MAML3: variants seen among roughly 807,000 people sequenced by gnomAD.
MAML3 encodes mastermind like transcriptional coactivator 3.
Under a neutral mutation model 101.9 loss-of-function variants are expected in MAML3, and 27 were observed. That is an observed-to-expected ratio of 0.27 (90% CI 0.20 to 0.37). MAML3 has a LOEUF of 0.37. Ranked by LOEUF, MAML3 falls within the 10% of genes least tolerant of loss-of-function variation. The pLI, the probability that MAML3 is intolerant of heterozygous loss-of-function variation, is 1.00. For missense variants in MAML3, 1,316 were observed against 1,444.9 expected (o/e 0.91, Z 1.45); for synonymous variants, 501 against 555.9 (o/e 0.90, Z 1.39).
intron 2 of MAML3, among the ~76,000 whole-genome samples, chr4:139,825,328 T>C (rs1274132573): frequency 2.0e-5 from 3 of 152,156 alleles, no homozygotes; most frequent in African/African-American, 4.8e-5. Context: ...TGGCTGAACA[T>C]TTGCATGTTA....
intron 1 of MAML3, among the ~76,000 whole-genome samples, chr4:140,082,164 C>T (rs936894912): frequency 3.9e-5 from 6 of 152,156 alleles, no homozygotes; most frequent in African/African-American, 9.7e-5. Context: ...ATTCCTGCTG[C>T]GTTCTCCCCT....
At chr4:140,032,704 C>G (rs1042926998) in intron 1 of MAML3, among the ~76,000 whole-genome samples, 6 of 151,790 alleles carry the variant, frequency 4.0e-5, no homozygotes, top group Admixed American at 2.6e-4. Context: ...ATATTTGAAC[C>G]CTCTTCATTC....
At chr4:139,978,610 T>TAAAA (rs1734387383) in intron 1 of MAML3, among the ~76,000 whole-genome samples, 1 of 40,050 alleles carries the variant, frequency 2.5e-5, no homozygotes, top group Non-Finnish European at 7.0e-5. Flanking sequence ...ATCAACCACA[T>TAAAA]CAAAAAAAAA....
At position 140,135,110 on chromosome 4, in the gene MAML3, G is replaced by A. The variant is rs561094419; in HGVS notation, c.468+17750C>T. Reference sequence around the variant, plus strand: ...AGCACACTCACAGGGCAGCCAAGGAGACCCCTCTGGAGGAAAGTGGAGTTA... The same window carrying A: ...AGCACACTCACAGGGCAGCCAAGGAAACCCCTCTGGAGGAAAGTGGAGTTA... On this transcript the variant is annotated intron_variant, in intron 1 of 4. Coordinates refer to ENST00000509479, the MANE Select transcript of MAML3 (RefSeq NM_018717.5). 2.0e-5 allele frequency among the ~76,000 whole-genome samples: 3 copies of A among 152,352 alleles called. No individual in the cohort carries two copies. The South Asian group carries it at 6.2e-4, about 32-fold the overall frequency.
At chr4:139,936,618 G>A (rs1055335126) in intron 1 of MAML3, among the ~76,000 whole-genome samples, 3 of 152,120 alleles carry the variant, frequency 2.0e-5, no homozygotes, top group African/African-American at 7.2e-5. Context: ...GATCACTTGA[G>A]GCCAGGAGTT....
intron 2 of MAML3, among the ~76,000 whole-genome samples, chr4:139,797,107 C>T (rs1031129123): frequency 6.6e-6 from 1 of 152,162 alleles, no homozygotes; most frequent in African/African-American, 2.4e-5. Flanking sequence ...CTGCAGCCTT[C>T]AATTTGTTCT....
chr4:140,024,391 C>T (rs749366578), intron 1 of MAML3, among the ~76,000 whole-genome samples: 4 of 152,104 alleles, frequency 2.6e-5, no homozygotes, highest in Non-Finnish European at 5.9e-5. Flanking sequence ...CTGTGCCTGG[C>T]TAATTTTTAA....
At chr4:139,779,383 T>C (rs1056469793) in intron 2 of MAML3, among the ~76,000 whole-genome samples, 1 of 152,170 alleles carries the variant, frequency 6.6e-6, no homozygotes, top group Admixed American at 6.5e-5. Flanking sequence ...TGGAAGATAA[T>C]GGAAATAAAT....
At chr4:139,736,026 T>C (rs1367983981) in intron 2 of MAML3, among the ~76,000 whole-genome samples, 1 of 152,200 alleles carries the variant, frequency 6.6e-6, no homozygotes, top group Non-Finnish European at 1.5e-5. Context: ...AGATGAGGAT[T>C]GTTCGTGGCA....
intron 1 of MAML3, among the ~76,000 whole-genome samples, chr4:140,145,050 G>C (rs1729036678): frequency 1.3e-5 from 2 of 151,992 alleles, no homozygotes; most frequent in African/African-American, 4.8e-5. Context: ...TTGAGTCACA[G>C]TTGCAACCCA....
chr4:139,832,094 C>CTTTTTTTTTTTTTTTT lies in MAML3; in HGVS notation c.2079+57247_2079+57262dup, dbSNP rs70943444. On this transcript the variant is annotated intron_variant, in intron 2 of 4. Transcript: ENST00000509479. ...AGGCGTGAGCCATCATGCCCAGCCCCTTTTTTTTTTTTTTTTTTTTTTTTT... is the reference window on the plus strand; with the variant it reads ...AGGCGTGAGCCATCATGCCCAGCCCCTTTTTTTTTTTTTTTTTTTTTTTTTTTTTTTTTTTTTTTTT... 2.0e-3 allele frequency among the ~76,000 whole-genome samples: 129 copies of CTTTTTTTTTTTTTTTT among 64,696 alleles called. 20 individuals are homozygous for CTTTTTTTTTTTTTTTT. The highest frequency in any genetic ancestry group is 2.7e-3 in the Non-Finnish European group (81 of 29,896). 42.4% of individuals were successfully genotyped at this position (64,696 alleles called of 152,430 possible). A position where few individuals can be genotyped will look rare whatever the true frequency, so the allele number is the denominator to read the frequency against.
chr4:140,106,543 T>C (rs1728355320), intron 1 of MAML3, among the ~76,000 whole-genome samples: 1 of 152,260 alleles, frequency 6.6e-6, no homozygotes, highest in South Asian at 2.1e-4. Context: ...ACCTTAACTC[T>C]GCTTTCTTAT....
At chr4:139,820,412 A>G (rs1375066133) in intron 2 of MAML3, among the ~76,000 whole-genome samples, 1 of 152,236 alleles carries the variant, frequency 6.6e-6, no homozygotes, top group Non-Finnish European at 1.5e-5. Context: ...ACTTAGGCTG[A>G]TGAAAGTGTT....
At chr4:140,074,636 T>C (rs1021163478) in intron 1 of MAML3, among the ~76,000 whole-genome samples, 1 of 152,202 alleles carries the variant, frequency 6.6e-6, no homozygotes, top group Non-Finnish European at 1.5e-5. Context: ...TTAGTTACCC[T>C]GAGCACATTA....
At chr4:139,954,762 C>T (rs931330786) in intron 1 of MAML3, among the ~76,000 whole-genome samples, 2 of 152,166 alleles carry the variant, frequency 1.3e-5, no homozygotes, top group African/African-American at 4.8e-5. Flanking sequence ...TCGAGGAATC[C>T]TCCCTTCTCA....
chr4:139,739,796 G>T (rs1729096651), intron 2 of MAML3, among the ~76,000 whole-genome samples: 1 of 149,906 alleles, frequency 6.7e-6, no homozygotes, highest in East Asian at 1.9e-4. Context: ...AATTATAAGG[G>T]ATTTTTATTT....
intron 1 of MAML3, among the ~76,000 whole-genome samples, chr4:140,075,159 A>G (rs1418768237): frequency 1.3e-5 from 2 of 152,208 alleles, no homozygotes; most frequent in African/African-American, 4.8e-5. Context: ...GCAGGTTATT[A>G]GTGCCAATTT....
chr4:139,801,635 T>C (rs111453327), intron 2 of MAML3, among the ~76,000 whole-genome samples: 1 of 10,918 alleles, frequency 9.2e-5, no homozygotes, highest in South Asian at 7.9e-3. Flanking sequence ...AGGAACAGGG[T>C]GTGTGTGGGT....
At chr4:140,137,942 T>C (rs1242241519) in intron 1 of MAML3, among the ~76,000 whole-genome samples, 2 of 152,260 alleles carry the variant, frequency 1.3e-5, no homozygotes, top group East Asian at 1.9e-4. Flanking sequence ...GCTCCTTTAC[T>C]TGAAACTACT....
Sources: allele counts gnomAD v4.1 joint callset (sites outside exome capture counted in the v4.1 genomes callset), GRCh38; gene constraint gnomAD v4.1.1; transcripts MANE v1.5; gene names NCBI Gene and HGNC (gene_info 2026-07-23, HGNC 2026-07-21).